Variants in CFAP20DC observed in about 807,000 individuals in gnomAD.
The protein encoded by CFAP20DC is CFAP20 domain containing.
CFAP20DC carries 84 observed loss-of-function variants against 101.7 expected under a neutral mutation model. The ratio of observed to expected loss-of-function variants is 0.83; its 90% confidence interval spans 0.69 to 0.99. The LOEUF is 0.99. Among genes scored for constraint, CFAP20DC ranks in the 50% least tolerant of loss-of-function variants. The probability of loss-of-function intolerance (pLI) is 0.00; values close to 1 mark genes in which losing one functional copy is unlikely to be tolerated. For missense variants in CFAP20DC, 1,007 were observed against 970.3 expected (o/e 1.04, Z -0.50); for synonymous variants, 359 against 351.2 (o/e 1.02, Z -0.25).
At chr3:59,029,170 C>T (rs948350796) in intron 4 of CFAP20DC, among the ~76,000 whole-genome samples, 4 of 152,116 alleles carry the variant, frequency 2.6e-5, no homozygotes, top group Admixed American at 6.5e-5. Context: ...CCCATCCTTC[C>T]GCCCGTATGT....
At chr3:58,785,309 C>T (rs951443476) in intron 15 of CFAP20DC, among the ~76,000 whole-genome samples, 1 of 151,972 alleles carries the variant, frequency 6.6e-6, no homozygotes, top group Middle Eastern at 3.2e-3. Context: ...GGGATGAAGA[C>T]AGGTTTGTTA....
At chr3:58,734,134 C>T (rs867478395) in intron 3 of CFAP20DC, among the ~76,000 whole-genome samples, 2 of 152,164 alleles carry the variant, frequency 1.3e-5, no homozygotes, top group Non-Finnish European at 2.9e-5. Context: ...CATTCACTCT[C>T]TCTCTCTCTC....
At chr3:58,851,678 T>A (rs1043492978) in intron 12 of CFAP20DC, among the ~76,000 whole-genome samples, 1 of 152,038 alleles carries the variant, frequency 6.6e-6, no homozygotes, top group African/African-American at 2.4e-5. Flanking sequence ...ATTTAGTCCA[T>A]CCCTAAGAAA....
In CFAP20DC at chr3:58,799,749, G is replaced by C. The variant is rs1158240814; in HGVS notation, c.2237+6646C>G. Among the ~76,000 whole-genome samples the C allele has an allele frequency of 6.6e-6, 1 of 151,724 alleles. No homozygotes were observed. Among genetic ancestry groups the C allele is most frequent in the Non-Finnish European group, 1.5e-5 (1 of 67,884 alleles). The stretch of plus-strand genomic sequence containing the variant: ...TGTGTGTGTCTGTGTGTGTGTGTGT[G>C]TGTGTGTGTGTGTGTGTGTAGAAAA... On this transcript the variant is annotated intron_variant, in intron 15 of 16. Transcript: ENST00000482387. The surrounding 1 kb of genome is among the most constrained non-coding windows in gnomAD (Gnocchi z 4.9).
rs1247201525 is a variant in CFAP20DC, at chr3:58,853,493, C to T, written c.1594-4084G>A. ...TCCCTAAATCATTTTATGAGGCCAG[C>T]ATCATCCTGATACCAAAGCTGGGCA... On this transcript the variant is annotated intron_variant, in intron 12 of 16. Transcript: ENST00000482387. Among the ~76,000 whole-genome samples, 7 of 152,046 alleles carry T rather than the reference C, an allele frequency of 4.6e-5. No homozygotes were observed. The South Asian group carries it at 6.3e-4, about 14-fold the overall frequency.
At chr3:59,035,188 A>G (rs1271856536) in intron 4 of CFAP20DC, among the ~76,000 whole-genome samples, 1 of 152,222 alleles carries the variant, frequency 6.6e-6, no homozygotes, top group Non-Finnish European at 1.5e-5. Context: ...AACACAGCTA[A>G]AGCAGTGTTT....
chr3:58,990,795 C>T (rs186366381), intron 4 of CFAP20DC, among the ~76,000 whole-genome samples: 2 of 129,210 alleles, frequency 1.5e-5, no homozygotes, highest in Non-Finnish European at 3.1e-5. Flanking sequence ...GTGTGTAATG[C>T]AAATATTCCA....
intron 14 of CFAP20DC, among the ~76,000 whole-genome samples, chr3:58,814,175 C>T (rs953519319): frequency 2.6e-5 from 4 of 151,762 alleles, no homozygotes; most frequent in African/African-American, 9.7e-5. Context: ...AGGTGAATTT[C>T]CATTTCTTAA....
In CFAP20DC at chr3:58,806,785, G is replaced by A. The variant is rs530431524; in HGVS notation, c.2176-329C>T. On this transcript the variant is annotated intron_variant, in intron 14 of 16. Coordinates refer to ENST00000482387, the MANE Select transcript of CFAP20DC (RefSeq NM_001394063.1). ...CGAAGCATTGCCTCACTCGGGAAGC[G>A]CAAGGGATCAGGGAGTTCCCTTTCC... is the stretch of plus-strand genomic sequence containing the variant. 2.4e-3 allele frequency among the ~76,000 whole-genome samples: 367 copies of A among 152,336 alleles called. 1 individual carries two copies. The highest frequency in any genetic ancestry group is 7.9e-3 in the African/African-American group (330 of 41,582).
chr3:58,759,310 A>G (rs374249701), intron 15 of CFAP20DC, among the ~76,000 whole-genome samples: 11 of 152,092 alleles, frequency 7.2e-5, no homozygotes, highest in African/African-American at 2.4e-4. Flanking sequence ...ATTTTTTCAT[A>G]TGTCTTTTGG....
At chr3:59,029,590 G>A (rs140131790) in intron 4 of CFAP20DC, among the ~76,000 whole-genome samples, 197 of 152,218 alleles carry the variant, frequency 1.3e-3, no homozygotes, top group African/African-American at 4.6e-3. Flanking sequence ...AGCAGAGTGA[G>A]TGCTATGAGA....
chr3:58,863,570 G>A lies in CFAP20DC; in HGVS notation c.1581C>T (p.Asp527=). Residue 527 remains aspartate, a synonymous_variant, in exon 12 of 17, where the codon GAC becomes GAT. Coordinates refer to ENST00000482387, the MANE Select transcript of CFAP20DC (RefSeq NM_001394063.1). The surrounding 1 kb of genome is among the most constrained non-coding windows in gnomAD (Gnocchi z 5.9). ...TQSEDDFYGG[D]SSEEGNHSIQ... is the part of the protein sequence containing the mutation. ...TCAAGCAGTGTACCTCTTCACTGCT[G>A]TCGCCGCCGTAAAAATCATCCTCTG... The A allele has an allele frequency of 6.2e-7, 1 of 1,613,934 alleles. No homozygotes were observed.
rs2073176286 is a variant in CFAP20DC, at chr3:58,795,527, G to A, written c.2237+10868C>T. On this transcript the variant is annotated intron_variant, in intron 15 of 16. Coordinates refer to ENST00000482387, the MANE Select transcript of CFAP20DC (RefSeq NM_001394063.1). This position sits in a 1 kb window ranked among gnomAD's most constrained non-coding sequence, Gnocchi z 4.2. The stretch of plus-strand genomic sequence containing the variant: ...GTGGTCTCGGCTACATGGGAAGCTG[G>A]AGTGGGAGAGTTACCTGAGCCCGGG... Among the ~76,000 whole-genome samples, 1 of 152,214 alleles carries A rather than the reference G, an allele frequency of 6.6e-6. No individual in the cohort carries two copies. The highest frequency in any genetic ancestry group is 1.5e-5 in the Non-Finnish European group (1 of 68,032).
chr3:58,845,747 T>C (rs1421573269), intron 13 of CFAP20DC, among the ~76,000 whole-genome samples: 1 of 149,768 alleles, frequency 6.7e-6, no homozygotes, highest in Non-Finnish European at 1.5e-5. Flanking sequence ...TGATGAACAT[T>C]GATGCAAAAA....
intron 14 of CFAP20DC, among the ~76,000 whole-genome samples, chr3:58,831,147 C>CTT (rs1457432740): frequency 6.6e-6 from 1 of 152,214 alleles, no homozygotes; most frequent in Non-Finnish European, 1.5e-5. Flanking sequence ...TACTGAAGTG[C>CTT]TTTAACTATG....
chr3:58,817,430 C>A (rs892987946), intron 14 of CFAP20DC, among the ~76,000 whole-genome samples: 3 of 148,300 alleles, frequency 2.0e-5, no homozygotes, highest in Non-Finnish European at 4.5e-5. Context: ...ATAACCAATA[C>A]AGAGAAGTGC....
chr3:58,990,165 G>C (rs1297324899), intron 4 of CFAP20DC, among the ~76,000 whole-genome samples: 1 of 152,128 alleles, frequency 6.6e-6, no homozygotes, highest in Admixed American at 6.5e-5. Flanking sequence ...GAGAGGTCCT[G>C]AGATGAAGAA....
intron 4 of CFAP20DC, among the ~76,000 whole-genome samples, chr3:58,941,655 G>A (rs868712421): frequency 6.6e-5 from 10 of 151,688 alleles, no homozygotes; most frequent in Middle Eastern, 6.8e-3. Flanking sequence ...TGCAAGCTCC[G>A]CCTCCTGGGT....
chr3:58,971,857 GCA>G lies in CFAP20DC; in HGVS notation c.279-34097_279-34096del, dbSNP rs1275079758. Among the ~76,000 whole-genome samples, 1 of 138,268 alleles carries G rather than the reference GCA, an allele frequency of 7.2e-6. No homozygotes were observed. Among genetic ancestry groups the G allele is most frequent in the Non-Finnish European group, 1.5e-5 (1 of 65,448 alleles). The allele number at this position is 138,268 out of a possible 152,430, so 90.7% of individuals were successfully genotyped here. A position where few individuals can be genotyped will look rare whatever the true frequency, so the allele number is the denominator to read the frequency against. On this transcript the variant is annotated intron_variant, in intron 4 of 16. Transcript: ENST00000482387. The surrounding 1 kb of genome is among the most constrained non-coding windows in gnomAD (Gnocchi z 4.1). ...AAAAGGACTGTAATATCATACACAC[GCA>G]CACATACACACACACACACACACAC...
Sources: allele counts gnomAD v4.1 joint callset (sites outside exome capture counted in the v4.1 genomes callset), GRCh38; gene constraint gnomAD v4.1.1; non-coding constraint Gnocchi (gnomAD v3.1); transcripts MANE v1.5; gene names NCBI Gene and HGNC (gene_info 2026-07-23, HGNC 2026-07-21).